The following HMGA2 variants were observed in gnomAD, a reference collection of about 807,000 sequenced individuals.
HMGA2 encodes high mobility group protein HMGI-C.
A neutral mutation model predicts 19.1 loss-of-function variants in HMGA2; 8 were observed. The observed-to-expected ratio is 0.42, with a 90% CI of 0.25 to 0.76. HMGA2 has a LOEUF of 0.76. Ranked by LOEUF, HMGA2 falls within the 30% of genes least tolerant of loss-of-function variation. The pLI, the probability that HMGA2 is intolerant of heterozygous loss-of-function variation, is 0.28. For synonymous variants in HMGA2, 60 were observed against 48.8 expected, an observed-to-expected ratio of 1.23 and a Z score of -0.96; for missense variants, 109 against 136.3, an observed-to-expected ratio of 0.80 and a Z score of 1.00.
intron 3 of HMGA2, among the ~76,000 whole-genome samples, chr12:65,892,583 A>G (rs1165901736): frequency 6.6e-6 from 1 of 152,114 alleles, no homozygotes; most frequent in Non-Finnish European, 1.5e-5. Context: ...ATCGCTTTTA[A>G]GTATCCTGGT....
intron 3 of HMGA2, among the ~76,000 whole-genome samples, chr12:65,903,274 C>G (rs1874448571): frequency 1.3e-5 from 2 of 152,114 alleles, no homozygotes; most frequent in Non-Finnish European, 2.9e-5. Flanking sequence ...TGTCACTTCA[C>G]TAAAGCATTT....
chr12:65,848,285 TTC>T (rs935722979), intron 3 of HMGA2, among the ~76,000 whole-genome samples: 17 of 152,214 alleles, frequency 1.1e-4, no homozygotes, highest in African/African-American at 3.1e-4. Context: ...TAGTTTCTCT[TTC>T]TCTCTCTCTT....
chr12:65,922,996 A>G (rs1050406575), intron 3 of HMGA2, among the ~76,000 whole-genome samples: 25 of 152,190 alleles, frequency 1.6e-4, no homozygotes, highest in Non-Finnish European at 1.5e-5. Flanking sequence ...CTGTAAGTCC[A>G]ACTAAACATT....
At chr12:65,828,467 G>A (rs561523407) in intron 2 of HMGA2, 2 of 222,682 alleles carry the variant, frequency 9.0e-6, no homozygotes, top group South Asian at 1.3e-4. Flanking sequence ...TGGTGGTAAA[G>A]TTTTTGCAAT....
chr12:65,874,925 T>C (rs1403935004), intron 3 of HMGA2, among the ~76,000 whole-genome samples: 1 of 152,162 alleles, frequency 6.6e-6, no homozygotes, highest in African/African-American at 2.4e-5. Context: ...GCAAGAAAAT[T>C]GGGATCTCAC....
chr12:65,879,315 G>T (rs757458298), intron 3 of HMGA2, among the ~76,000 whole-genome samples: 38 of 149,674 alleles, frequency 2.5e-4, no homozygotes, highest in Non-Finnish European at 5.6e-4. Context: ...TTTTGGTAGT[G>T]ATGGGGCTTC....
intron 3 of HMGA2, among the ~76,000 whole-genome samples, chr12:65,850,811 A>G (rs1871428077): frequency 6.6e-6 from 1 of 152,158 alleles, no homozygotes; most frequent in Admixed American, 6.5e-5. Context: ...TGGTAGAAAA[A>G]CATCCTTATG....
chr12:65,869,175 A>T (rs754695554), intron 3 of HMGA2, among the ~76,000 whole-genome samples: 1 of 152,198 alleles, frequency 6.6e-6, no homozygotes, highest in East Asian at 1.9e-4. Flanking sequence ...CTCTGGGCCA[A>T]GTTAGTTCGA....
intron 3 of HMGA2, chr12:65,867,026 A>G: frequency 2.2e-6 from 1 of 448,036 alleles, no homozygotes; most frequent in East Asian, 7.0e-5. Context: ...TAAACACTGC[A>G]GAAGAACAAA....
In HMGA2 at chr12:65,929,986, G is replaced by T. The variant is rs185686405; in HGVS notation, c.250-21397G>T. Reference sequence around the variant, plus strand: ...ACAGAAGTAAGAACTGTAGAGGGGGGAAACCATGAAAGATAGAAAAAGATG... The same window carrying T: ...ACAGAAGTAAGAACTGTAGAGGGGGTAAACCATGAAAGATAGAAAAAGATG... On this transcript the variant is annotated intron_variant, in intron 3 of 4. Coordinates refer to ENST00000403681, the MANE Select transcript of HMGA2 (RefSeq NM_003483.6). Among the ~76,000 whole-genome samples the T allele has an allele frequency of 2.4e-3, 359 of 152,144 alleles. 1 individual carries two copies. Among genetic ancestry groups the T allele is most frequent in the African/African-American group, 7.9e-3 (330 of 41,526 alleles).
chr12:65,890,757 C>T (rs542499803), intron 3 of HMGA2, among the ~76,000 whole-genome samples: 3 of 150,590 alleles, frequency 2.0e-5, no homozygotes, highest in Admixed American at 6.6e-5. Context: ...TGGAGTCTCA[C>T]TCTGTCACCC....
chr12:65,857,343 T>C (rs543384874), intron 3 of HMGA2: 13 of 152,236 alleles, frequency 8.5e-5, no homozygotes, highest in African/African-American at 1.2e-4. Context: ...GCACCAGCAC[T>C]GTATTTGTTA....
rs867997883 is a variant in HMGA2 at position 65,825,512 on chromosome 12, G to A, written c.111+131G>A. On this transcript the variant is annotated intron_variant, in intron 1 of 4. Transcript: ENST00000403681. This position sits in a 1 kb window ranked among gnomAD's most constrained non-coding sequence, Gnocchi z 4.4. ...TCGCACACTGCCCGCCGGCCGGCCG[G>A]GGGGAGCGGCGCAGACCCCACGAGT... 1.8e-5 allele frequency: 8 copies of A among 441,750 alleles called. No individual in the cohort carries two copies. Among genetic ancestry groups the A allele is most frequent in the Middle Eastern group, 7.2e-4 (1 of 1,392 alleles). 27.4% of individuals were successfully genotyped at this position (441,750 alleles called of 1,614,324 possible). A position where few individuals can be genotyped will look rare whatever the true frequency, so the allele number is the denominator to read the frequency against.
At chr12:65,860,588 T>C (rs1230250186) in intron 3 of HMGA2, among the ~76,000 whole-genome samples, 4 of 152,220 alleles carry the variant, frequency 2.6e-5, no homozygotes, top group African/African-American at 9.6e-5. Context: ...AGGACTGTGG[T>C]ATACAGTAAC....
chr12:65,937,875 A>G lies in HMGA2; in HGVS notation c.250-13508A>G, dbSNP rs77103774. Among the ~76,000 whole-genome samples the G allele has an allele frequency of 5.9e-3, 892 of 152,336 alleles. 8 individuals carry two copies. Among genetic ancestry groups the G allele is most frequent in the African/African-American group, 0.02 (842 of 41,572 alleles). On this transcript the variant is annotated intron_variant, in intron 3 of 4. Transcript: ENST00000403681. ...AGAGGGCGCTTCTTACCAACCCTCA[A>G]AGACAAACCAGCACAGAGAATAGTA...
chr12:65,833,453 A>G (rs1870562046), intron 2 of HMGA2, among the ~76,000 whole-genome samples: 1 of 150,832 alleles, frequency 6.6e-6, no homozygotes. Context: ...ATGGATTTGC[A>G]GTGGGGGATT....
chr12:65,917,960 A>G (rs1208970574), intron 3 of HMGA2, among the ~76,000 whole-genome samples: 1 of 152,362 alleles, frequency 6.6e-6, no homozygotes, highest in East Asian at 1.9e-4. Flanking sequence ...GTGAAGAATT[A>G]TCTAGAAATG....
intron 3 of HMGA2, among the ~76,000 whole-genome samples, chr12:65,939,089 T>A (rs1209169905): frequency 6.6e-6 from 1 of 152,182 alleles, no homozygotes; most frequent in Non-Finnish European, 1.5e-5. Flanking sequence ...TAGAAATTAG[T>A]TGGAAACCTT....
At chr12:65,892,810 C>T (rs1185739076) in intron 3 of HMGA2, among the ~76,000 whole-genome samples, 7 of 152,128 alleles carry the variant, frequency 4.6e-5, no homozygotes, top group Admixed American at 4.6e-4. Context: ...GAAAAGTCCT[C>T]AGTTTTATTT....
Sources: allele counts gnomAD v4.1 joint callset (sites outside exome capture counted in the v4.1 genomes callset), GRCh38; gene constraint gnomAD v4.1.1; non-coding constraint Gnocchi (gnomAD v3.1); transcripts MANE v1.5; gene names NCBI Gene and HGNC (gene_info 2026-07-23, HGNC 2026-07-21).